KHDRBS2: variants seen among roughly 807,000 people sequenced by gnomAD.
KHDRBS2 encodes KH RNA binding domain containing, signal transduction associated 2, also known as KH domain-containing, RNA-binding, signal transduction-associated protein 2.
A neutral mutation model predicts 44.3 loss-of-function variants in KHDRBS2; 26 were observed. The ratio of observed to expected loss-of-function variants is 0.59; its 90% CI spans 0.43 to 0.81. KHDRBS2 has a LOEUF of 0.81. Ranked by LOEUF, KHDRBS2 falls within the 40% of genes least tolerant of loss-of-function variation. The pLI, the probability that KHDRBS2 is intolerant of heterozygous loss-of-function variation, is 0.00. For synonymous variants in KHDRBS2, 194 were observed against 151.1 expected (o/e 1.28, Z -2.08); for missense variants, 476 against 433.1 (o/e 1.10, Z -0.88).
At chr6:62,144,980 T>C (rs1362312054) in intron 2 of KHDRBS2, among the ~76,000 whole-genome samples, 4 of 152,074 alleles carry the variant, frequency 2.6e-5, no homozygotes, top group Non-Finnish European at 5.9e-5. Flanking sequence ...TTTATATCTT[T>C]AAAAGATCCC....
At chr6:61,632,316 A>G in the KHDRBS2 span, among the ~76,000 whole-genome samples, 1 of 152,162 alleles carries the variant, frequency 6.6e-6, no homozygotes, top group African/African-American at 2.4e-5. Flanking sequence ...CAAATAATTT[A>G]TCATGATAAA....
the KHDRBS2 span, among the ~76,000 whole-genome samples, chr6:61,595,427 C>G: frequency 3.3e-5 from 5 of 152,096 alleles, no homozygotes; most frequent in African/African-American, 1.2e-4. Flanking sequence ...CCCAACTTTT[C>G]AAAGTAGAAA....
chr6:62,282,909 T>C (rs1286558101), intron 1 of KHDRBS2, among the ~76,000 whole-genome samples: 1 of 152,066 alleles, frequency 6.6e-6, no homozygotes, highest in Non-Finnish European at 1.5e-5. Context: ...GAAAGAAAGC[T>C]TACCCAGATT....
chr6:62,057,272 T>C (rs1790506647), intron 2 of KHDRBS2, among the ~76,000 whole-genome samples: 1 of 151,980 alleles, frequency 6.6e-6, no homozygotes, highest in Admixed American at 6.6e-5. Context: ...TCTGAAGTTT[T>C]TGGAGACAAC....
At chr6:62,175,224 T>C (rs1204001351) in intron 2 of KHDRBS2, among the ~76,000 whole-genome samples, 1 of 151,632 alleles carries the variant, frequency 6.6e-6, no homozygotes, top group African/African-American at 2.4e-5. Flanking sequence ...TTATGTGTGA[T>C]AATTAGGTGA....
At chr6:61,824,662 G>A (rs1462840176) in intron 6 of KHDRBS2, among the ~76,000 whole-genome samples, 2 of 152,064 alleles carry the variant, frequency 1.3e-5, no homozygotes, top group Admixed American at 6.6e-5. Flanking sequence ...AATGCCTCAG[G>A]AAATTTAAGA....
At chr6:61,866,302 G>A (rs1797790306) in intron 6 of KHDRBS2, among the ~76,000 whole-genome samples, 1 of 152,216 alleles carries the variant, frequency 6.6e-6, no homozygotes, top group Non-Finnish European at 1.5e-5. Context: ...TGACAAATGT[G>A]CACCAGCAGT....
Position 61,721,100 on chromosome 6 carries a change from A to G in KHDRBS2, c.893+11582T>C, listed in dbSNP as rs866540131. Among the ~76,000 whole-genome samples, 97 of 151,592 alleles carry G rather than the reference A, an allele frequency of 6.4e-4. 1 individual carries two copies. The Middle Eastern group carries it at 0.014, about 21-fold the overall frequency. On this transcript the variant is annotated intron_variant, in intron 7 of 8. Coordinates refer to ENST00000281156, the MANE Select transcript of KHDRBS2 (RefSeq NM_152688.4). The stretch of plus-strand genomic sequence containing the variant: ...GATCAGATAGTTGTGGATATGCGGC[A>G]TTATTTCTGAGGGCTCTGTTCTGTT...
intron 4 of KHDRBS2, among the ~76,000 whole-genome samples, chr6:61,951,174 C>A (rs1764661385): frequency 6.6e-6 from 1 of 151,876 alleles, no homozygotes. Context: ...TGTCAATGAA[C>A]CTGTATAAGG....
chr6:61,589,084 G>T, the KHDRBS2 span, among the ~76,000 whole-genome samples: 1 of 151,874 alleles, frequency 6.6e-6, no homozygotes, highest in Non-Finnish European at 1.5e-5. Context: ...GGGGTAGGGG[G>T]GCAAAGGGAA....
At chr6:62,110,908 A>C (rs1804852654) in intron 2 of KHDRBS2, among the ~76,000 whole-genome samples, 1 of 152,076 alleles carries the variant, frequency 6.6e-6, no homozygotes, top group African/African-American at 2.4e-5. Context: ...AAAAAAAGTA[A>C]AGTGGTAATT....
chr6:61,624,739 G>T, the KHDRBS2 span, among the ~76,000 whole-genome samples: 4 of 152,026 alleles, frequency 2.6e-5, no homozygotes, highest in Admixed American at 6.6e-5. Context: ...AGGGTGGGTT[G>T]GTATACTTTG....
intron 7 of KHDRBS2, among the ~76,000 whole-genome samples, chr6:61,728,284 T>G (rs138198012): frequency 0.021 from 3,127 of 151,920 alleles, 51 homozygotes; most frequent in Middle Eastern, 0.044. Context: ...CTGGGGCCTC[T>G]TGGAGGGGGG....
intron 6 of KHDRBS2, among the ~76,000 whole-genome samples, chr6:61,808,441 T>C (rs553299951): frequency 6.4e-4 from 97 of 152,238 alleles, no homozygotes; most frequent in Middle Eastern, 3.4e-3. Flanking sequence ...ATTAAATACA[T>C]TTATTACTAG....
chr6:61,840,671 A>G (rs1793468332), intron 6 of KHDRBS2, among the ~76,000 whole-genome samples: 2 of 152,158 alleles, frequency 1.3e-5, no homozygotes, highest in Non-Finnish European at 2.9e-5. Flanking sequence ...GTGATGGCAC[A>G]TGCTAATGCT....
At chr6:61,988,021 C>T (rs536680105) in intron 3 of KHDRBS2, among the ~76,000 whole-genome samples, 2 of 152,226 alleles carry the variant, frequency 1.3e-5, no homozygotes, top group African/African-American at 4.8e-5. Flanking sequence ...TAAAAAGTAG[C>T]CCAGGATTCT....
At chr6:62,123,589 T>G (rs1808228441) in intron 2 of KHDRBS2, among the ~76,000 whole-genome samples, 1 of 152,208 alleles carries the variant, frequency 6.6e-6, no homozygotes, top group African/African-American at 2.4e-5. Flanking sequence ...CCTCTTAATA[T>G]CTTAGATATA....
intron 3 of KHDRBS2, among the ~76,000 whole-genome samples, chr6:62,012,660 C>T (rs956124497): frequency 6.6e-6 from 1 of 152,152 alleles, no homozygotes; most frequent in Non-Finnish European, 1.5e-5. Flanking sequence ...CTCTTCCCAC[C>T]ACCTAGAGTG....
intron 6 of KHDRBS2, among the ~76,000 whole-genome samples, chr6:61,786,971 C>A (rs959773942): frequency 6.6e-5 from 10 of 150,520 alleles, no homozygotes; most frequent in Middle Eastern, 3.2e-3. Context: ...ATTTCCTTCA[C>A]ATAAATATCT....
Sources: allele counts gnomAD v4.1 joint callset (sites outside exome capture counted in the v4.1 genomes callset), GRCh38; gene constraint gnomAD v4.1.1; transcripts MANE v1.5; gene names NCBI Gene and HGNC (gene_info 2026-07-23, HGNC 2026-07-21).